MAPKAP1: variants seen among roughly 807,000 people sequenced by gnomAD.
MAPKAP1 encodes the protein MAPK associated protein 1.
A neutral mutation model predicts 65.7 loss-of-function variants in MAPKAP1; 20 were observed. The ratio of observed to expected loss-of-function variants is 0.30; its 90% CI spans 0.21 to 0.44. The LOEUF (loss-of-function observed/expected upper bound fraction) is 0.44, where lower values mean the gene tolerates loss of function less well. Among genes scored for constraint, MAPKAP1 ranks in the 20% least tolerant of loss-of-function variants. The probability of loss-of-function intolerance (pLI) is 1.00; values close to 1 mark genes in which losing one functional copy is unlikely to be tolerated. For missense variants in MAPKAP1, 423 were observed against 648.0 expected, an observed-to-expected ratio of 0.65 and a Z score of 3.77; for synonymous variants, 222 against 244.3, an observed-to-expected ratio of 0.91 and a Z score of 0.85.
intron 4 of MAPKAP1, among the ~76,000 whole-genome samples, chr9:125,636,103 T>A (rs542900278): frequency 8.2e-4 from 125 of 152,212 alleles, no homozygotes; most frequent in Admixed American, 1.7e-3. Flanking sequence ...GAGACCACAT[T>A]CCCTATTCCC....
chr9:125,488,953 T>A (rs1236256226), intron 8 of MAPKAP1, among the ~76,000 whole-genome samples: 2 of 152,200 alleles, frequency 1.3e-5, no homozygotes, highest in Non-Finnish European at 2.9e-5. Flanking sequence ...ACCAGAAAAG[T>A]TCTATGACTT....
intron 4 of MAPKAP1, among the ~76,000 whole-genome samples, chr9:125,627,578 C>A (rs1833151209): frequency 6.6e-6 from 1 of 152,106 alleles, no homozygotes; most frequent in South Asian, 2.1e-4. Context: ...CCTGCCAGCA[C>A]ACTTCACCTA....
chr9:125,451,222 G>C (rs1308539833), intron 10 of MAPKAP1: 1 of 152,200 alleles, frequency 6.6e-6, no homozygotes, highest in Non-Finnish European at 1.5e-5. Flanking sequence ...TCAATGTCGA[G>C]AGATCCAGTA....
At chr9:125,442,867 A>ATTT (rs2132922054) in intron 11 of MAPKAP1, among the ~76,000 whole-genome samples, 1 of 152,308 alleles carries the variant, frequency 6.6e-6, no homozygotes, top group South Asian at 2.1e-4. Flanking sequence ...GTGTCTCAAT[A>ATTT]TATTCCTGGA....
At chr9:125,686,615 GT>G (rs1564616833) in intron 1 of MAPKAP1, among the ~76,000 whole-genome samples, 2 of 152,176 alleles carry the variant, frequency 1.3e-5, no homozygotes, top group African/African-American at 4.8e-5. Flanking sequence ...GGTTTTGGGT[GT>G]TTTCGCTTCA....
At chr9:125,588,244 G>A (rs2131584364) in intron 4 of MAPKAP1, among the ~76,000 whole-genome samples, 1 of 152,230 alleles carries the variant, frequency 6.6e-6, no homozygotes, top group Admixed American at 6.5e-5. Context: ...ATGAAGTACT[G>A]ATACACACAG....
At chr9:125,580,308 T>C (rs1019519676) in intron 5 of MAPKAP1, among the ~76,000 whole-genome samples, 1 of 152,144 alleles carries the variant, frequency 6.6e-6, no homozygotes, top group African/African-American at 2.4e-5. Context: ...AATGATAGAC[T>C]GGATTAAGAA....
Position 125,663,524 on chromosome 9 carries a change from T to C in MAPKAP1, c.350-5725A>G, listed in dbSNP as rs1158037118. ...TTTACCCATTCTGGCACATTATGTT[T>C]ACTGTTTATCTACCCCCAATCGAAT... On this transcript the variant is annotated intron_variant, in intron 3 of 11. Transcript: ENST00000265960. Among the ~76,000 whole-genome samples, 4 of 152,216 alleles carry C rather than the reference T, an allele frequency of 2.6e-5. No individual in the cohort carries two copies. The South Asian group carries it at 6.2e-4, about 24-fold the overall frequency.
intron 10 of MAPKAP1, among the ~76,000 whole-genome samples, chr9:125,446,165 A>C (rs1171704006): frequency 6.6e-6 from 1 of 152,140 alleles, no homozygotes; most frequent in African/African-American, 2.4e-5. Flanking sequence ...TACAGTAGCT[A>C]ATTTTTCAGA....
chr9:125,541,265 T>TA (rs1830239153), intron 7 of MAPKAP1, among the ~76,000 whole-genome samples: 1 of 152,072 alleles, frequency 6.6e-6, no homozygotes, highest in African/African-American at 2.4e-5. Context: ...GAAAAACGGG[T>TA]ATGCAATTGG....
At chr9:125,700,334 A>T (rs1835558625) in intron 1 of MAPKAP1, among the ~76,000 whole-genome samples, 1 of 152,016 alleles carries the variant, frequency 6.6e-6, no homozygotes, top group South Asian at 2.1e-4. Context: ...GGAAAATGTT[A>T]TTTTTTTTGA....
chr9:125,594,433 T>C (rs190889456), intron 4 of MAPKAP1, among the ~76,000 whole-genome samples: 1 of 152,320 alleles, frequency 6.6e-6, no homozygotes. Flanking sequence ...ACCACTTCCT[T>C]AGCTGCTAGA....
At position 125,607,258 on chromosome 9, in the gene MAPKAP1, G is replaced by T. The variant is rs117094378; in HGVS notation, c.499-21531C>A. On this transcript the variant is annotated intron_variant, in intron 4 of 11. Transcript: ENST00000265960. ...ACTGAAACAATAAATATCATGGGCT[G>T]GAGAAATAACTGAGAATTCTCAAAA... Among the ~76,000 whole-genome samples, 692 of 152,280 alleles carry T rather than the reference G, an allele frequency of 4.5e-3. 1 individual carries two copies. The highest frequency in any genetic ancestry group is 7.8e-3 in the Non-Finnish European group (528 of 68,022).
At chr9:125,495,869 A>T (rs1854922666) in intron 8 of MAPKAP1, among the ~76,000 whole-genome samples, 1 of 152,242 alleles carries the variant, frequency 6.6e-6, no homozygotes, top group Non-Finnish European at 1.5e-5. Flanking sequence ...GAAAGAAAAC[A>T]GGAATCACAG....
chr9:125,609,044 G>C (rs1589337275), intron 4 of MAPKAP1, among the ~76,000 whole-genome samples: 1 of 152,126 alleles, frequency 6.6e-6, no homozygotes, highest in East Asian at 1.9e-4. Flanking sequence ...TCAAGAGGGA[G>C]AGAAAAAAAC....
chr9:125,500,672 T>C (rs1047253621), intron 8 of MAPKAP1, among the ~76,000 whole-genome samples: 1 of 152,132 alleles, frequency 6.6e-6, no homozygotes, highest in African/African-American at 2.4e-5. Flanking sequence ...GGAAGGGGAA[T>C]TAGGGGATGG....
chr9:125,693,792 TAC>T (rs1409063454), intron 1 of MAPKAP1, among the ~76,000 whole-genome samples: 2 of 145,936 alleles, frequency 1.4e-5, no homozygotes, highest in African/African-American at 2.7e-5. Context: ...CGTATATATA[TAC>T]ACACATATAT....
chr9:125,547,787 T>C (rs796156321), intron 6 of MAPKAP1, among the ~76,000 whole-genome samples: 11 of 152,314 alleles, frequency 7.2e-5, no homozygotes, highest in African/African-American at 1.7e-4. Context: ...AGCACCAAAA[T>C]TTCCCAAGAG....
chr9:125,625,488 A>G (rs919292609), intron 4 of MAPKAP1, among the ~76,000 whole-genome samples: 1 of 152,162 alleles, frequency 6.6e-6, no homozygotes, highest in African/African-American at 2.4e-5. Flanking sequence ...AACAAAAGCC[A>G]TGTTCAATAA....
Sources: allele counts gnomAD v4.1 joint callset (sites outside exome capture counted in the v4.1 genomes callset), GRCh38; gene constraint gnomAD v4.1.1; transcripts MANE v1.5; gene names NCBI Gene and HGNC (gene_info 2026-07-23, HGNC 2026-07-21).